Variants in NLGN1 observed in about 807,000 individuals in gnomAD.
NLGN1 encodes the protein neuroligin-1.
Under a neutral mutation model 65.5 loss-of-function variants are expected in NLGN1, and 12 were observed. The observed-to-expected ratio is 0.18, with a 90% CI of 0.12 to 0.30. NLGN1 has a LOEUF of 0.30. Ranked by LOEUF, NLGN1 falls within the 10% of genes least tolerant of loss-of-function variation. The pLI is 1.00. For missense variants in NLGN1, 750 were observed against 1,007.1 expected (o/e 0.74, Z 3.46); for synonymous variants, 350 against 359.5 (o/e 0.97, Z 0.30).
At chr3:173,489,464 T>A (rs1400428705) in intron 2 of NLGN1, among the ~76,000 whole-genome samples, 1 of 152,220 alleles carries the variant, frequency 6.6e-6, no homozygotes, top group Non-Finnish European at 1.5e-5. Context: ...TGTGCCACAT[T>A]TTCTTAATCC....
chr3:173,711,601 C>A (rs1203873339), intron 3 of NLGN1, among the ~76,000 whole-genome samples: 2 of 152,174 alleles, frequency 1.3e-5, no homozygotes, highest in African/African-American at 4.8e-5. Context: ...TGGCTCCAGT[C>A]AGCCAAGGGG....
chr3:174,022,388 A>G (rs1419132858), intron 4 of NLGN1, among the ~76,000 whole-genome samples: 3 of 152,096 alleles, frequency 2.0e-5, no homozygotes, highest in African/African-American at 7.2e-5. Context: ...GCTCTTGGTA[A>G]TGAGGTTCCC....
Position 173,830,146 on chromosome 3 carries a change from C to T in NLGN1, c.646+22314C>T, listed in dbSNP as rs141692167. 4.9e-3 allele frequency among the ~76,000 whole-genome samples: 744 copies of T among 152,202 alleles called. 5 individuals are homozygous for T. The highest frequency in any genetic ancestry group is 0.017 in the African/African-American group (710 of 41,536). On this transcript the variant is annotated intron_variant, in intron 4 of 6. Coordinates refer to ENST00000457714, the Ensembl canonical transcript of NLGN1. Reference sequence around the variant, plus strand: ...TCTTTTTAATATAGCAATCTATGCACACATCCCAGTATGTATTCATCGAGA... The same window carrying T: ...TCTTTTTAATATAGCAATCTATGCATACATCCCAGTATGTATTCATCGAGA...
At chr3:174,034,050 A>G (rs1368957292) in intron 4 of NLGN1, among the ~76,000 whole-genome samples, 1 of 152,060 alleles carries the variant, frequency 6.6e-6, no homozygotes, top group Non-Finnish European at 1.5e-5. Flanking sequence ...ATAAAGACAA[A>G]ATCTAGAAAG....
At chr3:173,742,727 C>G (rs571012028) in intron 3 of NLGN1, among the ~76,000 whole-genome samples, 2 of 152,044 alleles carry the variant, frequency 1.3e-5, no homozygotes, top group East Asian at 3.9e-4. Flanking sequence ...TTTTTACTTT[C>G]GATTTGTGCT....
intron 2 of NLGN1, among the ~76,000 whole-genome samples, chr3:173,487,720 T>A (rs993556233): frequency 1.3e-5 from 2 of 152,078 alleles, no homozygotes; most frequent in Non-Finnish European, 2.9e-5. Flanking sequence ...CTAATATTTC[T>A]TTTTGCCATA....
chr3:173,607,990 T>C (rs1463629781), intron 3 of NLGN1, among the ~76,000 whole-genome samples: 1 of 151,824 alleles, frequency 6.6e-6, no homozygotes, highest in Non-Finnish European at 1.5e-5. Context: ...CATGCAAAAC[T>C]ATTTCCTAAT....
At chr3:173,485,860 T>G (rs1307778534) in intron 2 of NLGN1, among the ~76,000 whole-genome samples, 1 of 152,156 alleles carries the variant, frequency 6.6e-6, no homozygotes, top group African/African-American at 2.4e-5. Context: ...TTCATATCTT[T>G]CCTTATATAT....
At chr3:173,500,167 A>G (rs1054973786) in intron 2 of NLGN1, among the ~76,000 whole-genome samples, 1 of 152,192 alleles carries the variant, frequency 6.6e-6, no homozygotes, top group African/African-American at 2.4e-5. Flanking sequence ...TTGTCCATTC[A>G]TTATGATACT....
intron 5 of NLGN1, 117 bp from the exon 6 acceptor site, chr3:174,278,744 C>G: frequency 1.3e-6 from 1 of 763,158 alleles, no homozygotes; most frequent in Non-Finnish European, 1.9e-6. Context: ...ATCTCTAACT[C>G]CCTGTTTCTT....
chr3:173,902,940 A>C (rs1210383395), intron 4 of NLGN1, among the ~76,000 whole-genome samples: 6 of 152,140 alleles, frequency 3.9e-5, no homozygotes, highest in Non-Finnish European at 8.8e-5. Context: ...TGAAACAGAT[A>C]AACACAATAA....
At chr3:173,909,973 C>A (rs1038308438) in intron 4 of NLGN1, among the ~76,000 whole-genome samples, 3 of 152,324 alleles carry the variant, frequency 2.0e-5, no homozygotes, top group African/African-American at 7.2e-5. Context: ...CCATCACACC[C>A]AGCCTCCACA....
chr3:174,078,055 C>T (rs1218331554), intron 4 of NLGN1, among the ~76,000 whole-genome samples: 1 of 151,660 alleles, frequency 6.6e-6, no homozygotes, highest in African/African-American at 2.4e-5. Context: ...CTTTTGTCTA[C>T]AGAAGAAAAA....
intron 2 of NLGN1, among the ~76,000 whole-genome samples, chr3:173,494,091 A>G (rs1457200602): frequency 1.3e-5 from 2 of 149,398 alleles, no homozygotes; most frequent in African/African-American, 5.0e-5. Context: ...CCATTCCTTC[A>G]CAACTTTGTC....
At chr3:174,225,639 G>A (rs1739505214) in intron 4 of NLGN1, among the ~76,000 whole-genome samples, 1 of 152,098 alleles carries the variant, frequency 6.6e-6, no homozygotes, top group Admixed American at 6.5e-5. Context: ...CCTGAGGCAG[G>A]AGAATGGCGT....
At chr3:173,937,348 T>TG (rs1745244231) in intron 4 of NLGN1, among the ~76,000 whole-genome samples, 1 of 152,096 alleles carries the variant, frequency 6.6e-6, no homozygotes, top group Non-Finnish European at 1.5e-5. Flanking sequence ...TGTTGAGATA[T>TG]ATACAAATAG....
chr3:174,248,182 G>A (rs777003924), intron 4 of NLGN1, among the ~76,000 whole-genome samples: 8 of 152,120 alleles, frequency 5.3e-5, no homozygotes, highest in Non-Finnish European at 1.0e-4. Context: ...ATTTTCACTT[G>A]GGAGAAATGA....
At chr3:173,749,780 A>G (rs1018445124) in intron 3 of NLGN1, among the ~76,000 whole-genome samples, 1 of 152,112 alleles carries the variant, frequency 6.6e-6, no homozygotes, top group Non-Finnish European at 1.5e-5. Context: ...GTGATGACTA[A>G]TACATATTAA....
At chr3:173,809,575 A>T (rs1717437805) in intron 4 of NLGN1, among the ~76,000 whole-genome samples, 1 of 152,202 alleles carries the variant, frequency 6.6e-6, no homozygotes, top group African/African-American at 2.4e-5. Flanking sequence ...TATTTTATTT[A>T]AGAAATGCTT....
Sources: allele counts gnomAD v4.1 joint callset (sites outside exome capture counted in the v4.1 genomes callset), GRCh38; gene constraint gnomAD v4.1.1; transcripts MANE v1.5; gene names NCBI Gene and HGNC (gene_info 2026-07-23, HGNC 2026-07-21).